NALF1: variants seen among roughly 807,000 people sequenced by gnomAD.
NALF1 encodes NALCN channel auxiliary factor 1.
Under a neutral mutation model 48.4 loss-of-function variants are expected in NALF1, and 3 were observed. The observed-to-expected ratio is 0.06, with a 90% confidence interval of 0.03 to 0.16. The LOEUF is 0.16. NALF1 is among the 10% of genes least tolerant of loss of function. The pLI, the probability that NALF1 is intolerant of heterozygous loss-of-function variation, is 1.00. For missense variants in NALF1, 526 were observed against 571.5 expected, an observed-to-expected ratio of 0.92 and a Z score of 0.81; for synonymous variants, 262 against 245.7, an observed-to-expected ratio of 1.07 and a Z score of -0.62.
intron 1 of NALF1, among the ~76,000 whole-genome samples, chr13:107,601,319 TG>T (rs941089021): frequency 6.6e-6 from 1 of 152,138 alleles, no homozygotes; most frequent in Non-Finnish European, 1.5e-5. Flanking sequence ...AACGCAAATT[TG>T]GGAACTTGAA....
intron 1 of NALF1, among the ~76,000 whole-genome samples, chr13:107,808,644 TG>T (rs1165975594): frequency 1.4e-5 from 2 of 147,530 alleles, no homozygotes; most frequent in Non-Finnish European, 3.0e-5. Context: ...CTTTTAGCTG[TG>T]ATCAAATTTC....
intron 1 of NALF1, among the ~76,000 whole-genome samples, chr13:107,859,902 A>C (rs1283888303): frequency 2.7e-5 from 4 of 148,158 alleles, no homozygotes; most frequent in African/African-American, 1.0e-4. Context: ...ACGACAGAGC[A>C]AAACTCCAAC....
intron 2 of NALF1, among the ~76,000 whole-genome samples, chr13:107,198,478 G>A (rs541211043): frequency 1.3e-5 from 2 of 152,206 alleles, no homozygotes; most frequent in Non-Finnish European, 1.5e-5. Context: ...GAGCTCCCTC[G>A]ATGCCTTTGT....
chr13:107,175,923 C>G (rs1434379017), intron 2 of NALF1, among the ~76,000 whole-genome samples: 4 of 152,158 alleles, frequency 2.6e-5, no homozygotes, highest in Non-Finnish European at 5.9e-5. Context: ...CAAGGCATCT[C>G]TCAAGGGCCA....
At chr13:107,171,745 T>C (rs1042564383) in intron 2 of NALF1, among the ~76,000 whole-genome samples, 5 of 152,228 alleles carry the variant, frequency 3.3e-5, no homozygotes, top group African/African-American at 1.2e-4. Flanking sequence ...ATATAAGTCA[T>C]AGTGTATTTT....
intron 1 of NALF1, among the ~76,000 whole-genome samples, chr13:107,365,966 C>T (rs1360120357): frequency 1.3e-5 from 2 of 152,206 alleles, no homozygotes; most frequent in South Asian, 2.1e-4. Context: ...AGTGAGATGA[C>T]AAAGCCTCTC....
chr13:107,573,030 T>C (rs1878032988), intron 1 of NALF1, among the ~76,000 whole-genome samples: 1 of 152,086 alleles, frequency 6.6e-6, no homozygotes, highest in Admixed American at 6.6e-5. Context: ...CCTGCAACCA[T>C]CCGGGACTCT....
Position 107,866,473 on chromosome 13 carries a change from G to C in NALF1, c.124C>G (p.Leu42Val). Residue 42 changes from leucine to valine, a missense_variant, in exon 1 of 3, where the codon CTG becomes GTG. Around this residue, in one of 2 missense-constraint regions of NALF1, gnomAD observed 373 missense variants for 355.5 expected, o/e 1.05. Transcript: ENST00000375915. The surrounding 1 kb of genome is among the most constrained non-coding windows in gnomAD (Gnocchi z 4.4). Reference sequence around the variant, plus strand: ...ACTGTGAAAAACAAGAGAGATGCCAGAGACAGTCGCCATTTCTGAGCCCTC... The same window carrying C: ...ACTGTGAAAAACAAGAGAGATGCCACAGACAGTCGCCATTTCTGAGCCCTC... Reference protein sequence around the residue: ...SERAQKWRLSLASLLFFTVLL... With the variant: ...SERAQKWRLSVASLLFFTVLL... 5.0e-6 allele frequency: 8 copies of C among 1,614,184 alleles called. No individual in the cohort carries two copies. Among genetic ancestry groups the C allele is most frequent in the Non-Finnish European group, 6.8e-6 (8 of 1,180,042 alleles).
intron 1 of NALF1, among the ~76,000 whole-genome samples, chr13:107,333,677 T>C (rs951622308): frequency 6.6e-6 from 1 of 152,248 alleles, no homozygotes; most frequent in Non-Finnish European, 1.5e-5. Flanking sequence ...AATACTCATA[T>C]ACTTGAGCTG....
chr13:107,299,705 T>C (rs1011312196), intron 1 of NALF1, among the ~76,000 whole-genome samples: 4 of 151,648 alleles, frequency 2.6e-5, no homozygotes, highest in Non-Finnish European at 2.9e-5. Context: ...TATTTATTTA[T>C]TTATTTATTT....
At chr13:107,773,412 A>G (rs1360137094) in intron 1 of NALF1, among the ~76,000 whole-genome samples, 2 of 152,188 alleles carry the variant, frequency 1.3e-5, no homozygotes, top group Non-Finnish European at 2.9e-5. Context: ...ATATATGGCT[A>G]GACCTCAAGT....
At chr13:107,773,699 A>G in intron 1 of NALF1, among the ~76,000 whole-genome samples, 1 of 118,670 alleles carries the variant, frequency 8.4e-6, no homozygotes, top group Non-Finnish European at 1.6e-5. Flanking sequence ...TGGACACAGG[A>G]AGGGGAACAT....
chr13:107,640,126 A>G (rs1880109485), intron 1 of NALF1, among the ~76,000 whole-genome samples: 1 of 152,162 alleles, frequency 6.6e-6, no homozygotes, highest in African/African-American at 2.4e-5. Flanking sequence ...GTGAGTGAAA[A>G]GGAAATCATT....
rs1880088982 is a variant in NALF1, at chr13:107,225,769, G to A, written c.916-15014C>T. 3.9e-5 allele frequency among the ~76,000 whole-genome samples: 6 copies of A among 152,134 alleles called. 1 individual carries two copies. Among genetic ancestry groups the A allele is most frequent in the African/African-American group, 1.4e-4 (6 of 41,526 alleles). Reference sequence around the variant, plus strand: ...AGAGATACTGAACACACAAACCAAAGGAGCATCACATCCCCTGAATTCTGA... The same window carrying A: ...AGAGATACTGAACACACAAACCAAAAGAGCATCACATCCCCTGAATTCTGA... On this transcript the variant is annotated intron_variant, in intron 1 of 2. Transcript: ENST00000375915.
chr13:107,631,184 G>A (rs1332275679), intron 1 of NALF1, among the ~76,000 whole-genome samples: 3 of 151,984 alleles, frequency 2.0e-5, no homozygotes, highest in Non-Finnish European at 2.9e-5. Flanking sequence ...TTTTAATAGA[G>A]AAGAGGTCCC....
At chr13:107,439,831 C>T (rs2139025049) in intron 1 of NALF1, among the ~76,000 whole-genome samples, 1 of 152,214 alleles carries the variant, frequency 6.6e-6, no homozygotes, top group African/African-American at 2.4e-5. Context: ...AATAAATTTA[C>T]CTGGAATATT....
intron 1 of NALF1, among the ~76,000 whole-genome samples, chr13:107,834,697 A>T (rs929629730): frequency 1.3e-5 from 2 of 152,226 alleles, no homozygotes; most frequent in Non-Finnish European, 2.9e-5. Context: ...TGTTTAGATG[A>T]TAAAGAACGT....
intron 1 of NALF1, among the ~76,000 whole-genome samples, chr13:107,761,212 C>T (rs968174072): frequency 6.6e-6 from 1 of 152,072 alleles, no homozygotes; most frequent in Non-Finnish European, 1.5e-5. Context: ...AAAAAATTAG[C>T]TGGGCATGGT....
chr13:107,252,317 A>T (rs896876359), intron 1 of NALF1, among the ~76,000 whole-genome samples: 1 of 152,032 alleles, frequency 6.6e-6, no homozygotes, highest in Non-Finnish European at 1.5e-5. Context: ...AGAGGCTCAC[A>T]ACGTGGAGAG....
Sources: allele counts gnomAD v4.1 joint callset (sites outside exome capture counted in the v4.1 genomes callset), GRCh38; gene constraint gnomAD v4.1.1; regional missense constraint gnomAD v4.1.1; non-coding constraint Gnocchi (gnomAD v3.1); transcripts MANE v1.5; gene names NCBI Gene and HGNC (gene_info 2026-07-23, HGNC 2026-07-21).